Variants in ITGB8 observed in about 807,000 individuals in gnomAD.
ITGB8 encodes the protein integrin subunit beta 8.
In ITGB8, 30 loss-of-function variants were observed where a neutral mutation model predicts 89.5. The ratio of observed to expected loss-of-function variants is 0.34; its 90% confidence interval spans 0.25 to 0.45. ITGB8 has a LOEUF of 0.45. Ranked by LOEUF, ITGB8 falls within the 20% of genes least tolerant of loss-of-function variation. ITGB8 has a pLI of 1.00. For synonymous variants in ITGB8, 335 were observed against 320.4 expected (o/e 1.05, Z -0.49); for missense variants, 836 against 933.3 (o/e 0.90, Z 1.36).
chr7:20,387,799 G>A (rs907889833), intron 6 of ITGB8, among the ~76,000 whole-genome samples: 2 of 152,182 alleles, frequency 1.3e-5, no homozygotes, highest in Non-Finnish European at 2.9e-5. Flanking sequence ...GTGCAACTAT[G>A]TAGATACAAA....
At chr7:20,370,600 T>TTATTA (rs59368586) in intron 3 of ITGB8, among the ~76,000 whole-genome samples, 2,635 of 144,360 alleles carry the variant, frequency 0.018, 30 homozygotes, top group South Asian at 0.035. Flanking sequence ...TATTTACTTA[T>TTATTA]TTATTATTAT....
chr7:20,380,557 C>A, intron 4 of ITGB8, 109 bp from the exon 5 acceptor site: 2 of 854,172 alleles, frequency 2.3e-6, no homozygotes, highest in Admixed American at 2.5e-5. Context: ...GTTTCCCTGG[C>A]ACAAAAGAAG....
At chr7:20,398,370 G>C (rs987088848) in intron 8 of ITGB8, among the ~76,000 whole-genome samples, 1 of 152,152 alleles carries the variant, frequency 6.6e-6, no homozygotes, top group African/African-American at 2.4e-5. Flanking sequence ...TGTCAATTCT[G>C]TGTCAATAAG....
Position 20,401,935 on chromosome 7 carries a change from G to T in ITGB8, c.1496G>T (p.Cys499Phe). ...TGTTTCCAGTGTGATGAGAATAAAT[G>T]TCATTTTGATGAAGATCAGTTTTCT... Reference protein sequence around the residue: ...SKCFQCDENKCHFDEDQFSSE... With the variant: ...SKCFQCDENKFHFDEDQFSSE... Residue 499 changes from cysteine to phenylalanine, a missense_variant, in exon 10 of 14, where the codon TGT (cysteine) becomes TTT (phenylalanine). Cys to Phe is a radical substitution (Grantham distance 205). Coordinates refer to ENST00000222573, the MANE Select transcript of ITGB8 (RefSeq NM_002214.3). The T allele has an allele frequency of 6.2e-7, 1 of 1,614,142 alleles. No homozygotes were observed. The highest frequency in any genetic ancestry group is 1.6e-4 in the Middle Eastern group (1 of 6,062).
Position 20,410,118 on chromosome 7 carries a change from A to G in ITGB8, c.*121A>G. On this transcript the variant is annotated 3_prime_UTR_variant, in exon 14 of 14. Transcript: ENST00000222573. Reference sequence around the variant, plus strand: ...CACGGTCATGCCAGTTGCTGGTTGTACACTCGAACGAAGACTGACAAGTAT... The same window carrying G: ...CACGGTCATGCCAGTTGCTGGTTGTGCACTCGAACGAAGACTGACAAGTAT... 2.1e-6 allele frequency: 2 copies of G among 961,542 alleles called. No individual in the cohort carries two copies. The highest frequency in any genetic ancestry group is 3.1e-6 in the Non-Finnish European group (2 of 639,952). The allele number at this position is 961,542 out of a possible 1,614,324, so 59.6% of individuals were successfully genotyped here.
chr7:20,363,285 A>G (rs1044467185), intron 1 of ITGB8, among the ~76,000 whole-genome samples: 11 of 152,218 alleles, frequency 7.2e-5, no homozygotes, highest in African/African-American at 2.7e-4. Context: ...GAGAATAGGA[A>G]ATACAGTGAA....
intron 7 of ITGB8, among the ~76,000 whole-genome samples, chr7:20,394,225 T>C (rs17142783): frequency 0.033 from 4,995 of 152,334 alleles, 307 homozygotes; most frequent in African/African-American, 0.11. Flanking sequence ...TCTGATTTCC[T>C]ATAAGTACGT....
chr7:20,357,750 A>C (rs1785347644), intron 1 of ITGB8, among the ~76,000 whole-genome samples: 1 of 152,160 alleles, frequency 6.6e-6, no homozygotes, highest in East Asian at 1.9e-4. Flanking sequence ...GAACATTGGA[A>C]GTTTCCTCCC....
intron 1 of ITGB8, among the ~76,000 whole-genome samples, chr7:20,340,067 C>A (rs1784704187): frequency 1.3e-5 from 2 of 152,176 alleles, no homozygotes; most frequent in Admixed American, 6.5e-5. Flanking sequence ...TTATAAACAG[C>A]ATATAGGGTC....
intron 6 of ITGB8, 106 bp from the exon 7 acceptor site, chr7:20,391,297 C>A: frequency 4.1e-6 from 2 of 493,308 alleles, no homozygotes; most frequent in Non-Finnish European, 7.1e-6. Context: ...ATAGTCCTTC[C>A]CAGGTACATT....
Position 20,363,665 on chromosome 7 carries a change from A to G in ITGB8, c.156A>G (p.Ala52=), listed in dbSNP as rs754787608. 3.1e-6 allele frequency: 5 copies of G among 1,603,498 alleles called. No homozygotes were observed. The highest frequency in any genetic ancestry group is 1.7e-4 in the Middle Eastern group (1 of 6,050). The change falls in exon 2 of 14, where the codon GCA becomes GCG. Residue 52 remains alanine, a synonymous_variant. Transcript: ENST00000222573. ...GEDNRCASSN[A]ASCARCLALG... The stretch of plus-strand genomic sequence containing the variant: ...ACAATAGATGTGCATCTTCAAATGC[A>G]GCATCCTGTGCCAGGTGCCTTGCGC...
At chr7:20,403,649 C>T (rs1225617104) in intron 10 of ITGB8, among the ~76,000 whole-genome samples, 1 of 152,044 alleles carries the variant, frequency 6.6e-6, no homozygotes, top group African/African-American at 2.4e-5. Context: ...GCAAATTGAG[C>T]TGGTCCTACA....
chr7:20,396,292 G>A (rs527422949), intron 8 of ITGB8, among the ~76,000 whole-genome samples: 24 of 152,152 alleles, frequency 1.6e-4, no homozygotes, highest in African/African-American at 5.3e-4. Context: ...AATTAGCAGG[G>A]CATGGTGGCG....
chr7:20,394,803 CA>C, intron 7 of ITGB8, 92 bp from the exon 8 acceptor site: 1 of 871,938 alleles, frequency 1.1e-6, no homozygotes, highest in African/African-American at 1.7e-5. Flanking sequence ...GGTTCACCTT[CA>C]ACTGATAACT....
chr7:20,380,261 A>C (rs76534606), intron 4 of ITGB8: 5,873 of 160,480 alleles, frequency 0.037, 179 homozygotes, highest in Middle Eastern at 0.16. Context: ...GTATTAAAAA[A>C]AACTAATATC....
Position 20,331,516 on chromosome 7 carries a change from C to A in ITGB8, c.-291C>A, listed in dbSNP as rs750528201. ...AGCAGGCTGCGGAGCCCTTGCAGAG[C>A]CCTCTCTCCAGTCGCCGCCGGGGCC... On this transcript the variant is annotated 5_prime_UTR_variant, in exon 1 of 14. Coordinates refer to ENST00000222573, the MANE Select transcript of ITGB8 (RefSeq NM_002214.3). 3.0e-5 allele frequency: 13 copies of A among 432,938 alleles called. No homozygotes were observed. The highest frequency in any genetic ancestry group is 4.8e-5 in the Non-Finnish European group (12 of 249,252). The allele number at this position is 432,938 out of a possible 1,614,324, so 26.8% of individuals were successfully genotyped here. A position where few individuals can be genotyped will look rare whatever the true frequency, so the allele number is the denominator to read the frequency against.
At chr7:20,357,845 C>T (rs150056431) in intron 1 of ITGB8, among the ~76,000 whole-genome samples, 1 of 152,326 alleles carries the variant, frequency 6.6e-6, no homozygotes, top group East Asian at 1.9e-4. Flanking sequence ...ACAGCACATG[C>T]TAACAAATCC....
At chr7:20,389,646 G>A (rs1779386564) in intron 6 of ITGB8, among the ~76,000 whole-genome samples, 1 of 152,148 alleles carries the variant, frequency 6.6e-6, no homozygotes, top group Non-Finnish European at 1.5e-5. Context: ...TGACTATCTT[G>A]TCAAAGCAAA....
chr7:20,349,123 T>G (rs1785027469), intron 1 of ITGB8, among the ~76,000 whole-genome samples: 1 of 152,180 alleles, frequency 6.6e-6, no homozygotes, highest in South Asian at 2.1e-4. Flanking sequence ...AGATTATCTA[T>G]CCTATAAGAT....
Sources: allele counts gnomAD v4.1 joint callset (sites outside exome capture counted in the v4.1 genomes callset), GRCh38; gene constraint gnomAD v4.1.1; transcripts MANE v1.5; gene names NCBI Gene and HGNC (gene_info 2026-07-23, HGNC 2026-07-21).